The following DSCAM variants were observed in gnomAD, a reference collection of about 807,000 sequenced individuals.
The protein encoded by DSCAM is DS cell adhesion molecule, also known as cell adhesion molecule DSCAM.
In DSCAM, 47 loss-of-function variants were observed where a neutral mutation model predicts 217.7. That is an observed-to-expected ratio of 0.22 (90% CI 0.17 to 0.28). The LOEUF (loss-of-function observed/expected upper bound fraction) is 0.28. DSCAM is among the 10% of genes least tolerant of loss of function. The pLI, the probability that DSCAM is intolerant of heterozygous loss-of-function variation, is 1.00. For missense variants in DSCAM, 2,080 were observed against 2,618.3 expected (o/e 0.79, Z 4.49); for synonymous variants, 1,056 against 1,015.3 (o/e 1.04, Z -0.76).
At chr21:40,188,016 T>C in intron 12 of DSCAM, 29 bp from the exon 13 acceptor site, 2 of 1,577,430 alleles carry the variant, frequency 1.3e-6, no homozygotes, top group Non-Finnish European at 1.7e-6. Flanking sequence ...GAAATTCATC[T>C]TTTTCAGTAG....
intron 1 of DSCAM, among the ~76,000 whole-genome samples, chr21:40,724,206 A>G (rs1375817378): frequency 6.6e-6 from 1 of 152,216 alleles, no homozygotes; most frequent in Non-Finnish European, 1.5e-5. Flanking sequence ...AGGTTTCAAA[A>G]GGCATGAAAG....
At chr21:40,104,722 G>A (rs976489488) in intron 20 of DSCAM, among the ~76,000 whole-genome samples, 3 of 152,162 alleles carry the variant, frequency 2.0e-5, no homozygotes, top group African/African-American at 4.8e-5. Context: ...ATGTGTCAAT[G>A]TAGGTTCCAC....
At chr21:40,703,394 C>T (rs533364368) in intron 2 of DSCAM, among the ~76,000 whole-genome samples, 1 of 152,184 alleles carries the variant, frequency 6.6e-6, no homozygotes, top group Admixed American at 6.5e-5. Flanking sequence ...CGGCATGCAC[C>T]TCTGGTCCCA....
At position 40,110,775 on chromosome 21, in the gene DSCAM, C is replaced by A. The variant is rs1001623798; in HGVS notation, c.3696+13420G>T. Among the ~76,000 whole-genome samples the A allele has an allele frequency of 2.2e-4, 33 of 152,192 alleles. 1 individual carries two copies. The highest frequency in any genetic ancestry group is 1.9e-3 in the Admixed American group (29 of 15,286). ...GAGAACTACGTGACGAATGCACAAGCCTCAGTAGCTGATTCAATCAACTGG... is the reference window on the plus strand; with the variant it reads ...GAGAACTACGTGACGAATGCACAAGACTCAGTAGCTGATTCAATCAACTGG... On this transcript the variant is annotated intron_variant, in intron 20 of 32. Transcript: ENST00000400454.
intron 1 of DSCAM, among the ~76,000 whole-genome samples, chr21:40,725,830 C>G (rs775098219): frequency 1.3e-5 from 2 of 152,158 alleles, no homozygotes; most frequent in Non-Finnish European, 2.9e-5. Context: ...CAAGGTGTGA[C>G]TGACCTAGAA....
intron 32 of DSCAM, among the ~76,000 whole-genome samples, chr21:40,035,668 A>AT (rs2088606457): frequency 6.6e-6 from 1 of 150,494 alleles, no homozygotes; most frequent in South Asian, 2.1e-4. Context: ...AGTGGACCTA[A>AT]TAGACATCTA....
At chr21:40,597,413 T>G (rs2077028992) in intron 3 of DSCAM, among the ~76,000 whole-genome samples, 1 of 151,802 alleles carries the variant, frequency 6.6e-6, no homozygotes, top group Non-Finnish European at 1.5e-5. Context: ...TCACAGAGTT[T>G]TAGGATAAAA....
At chr21:40,042,756 C>G in intron 31 of DSCAM, 83 bp from the exon 32 acceptor site, 1 of 1,354,212 alleles carries the variant, frequency 7.4e-7, no homozygotes, top group Non-Finnish European at 1.0e-6. Context: ...TGGCTTGGGG[C>G]TGTTTTCTTC....
At chr21:40,094,599 T>G (rs943514828) in intron 20 of DSCAM, among the ~76,000 whole-genome samples, 6 of 152,136 alleles carry the variant, frequency 3.9e-5, no homozygotes, top group African/African-American at 1.4e-4. Flanking sequence ...CGGTGCCTAA[T>G]GCTCACACAG....
intron 16 of DSCAM, among the ~76,000 whole-genome samples, chr21:40,146,004 A>C (rs1205589955): frequency 6.6e-6 from 1 of 152,044 alleles, no homozygotes; most frequent in East Asian, 1.9e-4. Flanking sequence ...GTACATATGT[A>C]TGTATATACA....
At chr21:40,489,774 C>CAAAAAAAAAAAAAA (rs35247505) in intron 3 of DSCAM, among the ~76,000 whole-genome samples, 6 of 47,186 alleles carry the variant, frequency 1.3e-4, no homozygotes, top group African/African-American at 3.1e-4. Context: ...GACTCCGTCT[C>CAAAAAAAAAAAAAA]AAAAAAAAAA....
chr21:40,268,264 T>G (rs1053862699), intron 11 of DSCAM, among the ~76,000 whole-genome samples: 1 of 152,190 alleles, frequency 6.6e-6, no homozygotes, highest in African/African-American at 2.4e-5. Context: ...AGAACAATTC[T>G]TGACACTAGG....
intron 3 of DSCAM, among the ~76,000 whole-genome samples, chr21:40,478,870 TAGTA>T (rs1331570333): frequency 1.3e-5 from 2 of 152,322 alleles, no homozygotes; most frequent in African/African-American, 4.8e-5. Context: ...AAATTAGACA[TAGTA>T]AGATATTAAC....
chr21:40,378,873 G>A (rs2074992663), intron 3 of DSCAM, among the ~76,000 whole-genome samples: 1 of 152,000 alleles, frequency 6.6e-6, no homozygotes, highest in Non-Finnish European at 1.5e-5. Context: ...GATTACAGGC[G>A]TGAGCCACCG....
At position 40,039,546 on chromosome 21, in the gene DSCAM, C is replaced by T. The variant is rs560782184; in HGVS notation, c.5686+2825G>A. 1.8e-4 allele frequency among the ~76,000 whole-genome samples: 28 copies of T among 152,112 alleles called. 1 individual carries two copies. Among genetic ancestry groups the T allele is most frequent in the Admixed American group, 1.8e-3 (28 of 15,274 alleles). On this transcript the variant is annotated intron_variant, in intron 32 of 32. Coordinates refer to ENST00000400454, the MANE Select transcript of DSCAM (RefSeq NM_001389.5). The stretch of plus-strand genomic sequence containing the variant: ...TGGCCATATATGTGTATATTATAAA[C>T]ACACACAGGAGATATATATATTTAT...
intron 11 of DSCAM, among the ~76,000 whole-genome samples, chr21:40,208,382 A>C (rs927096990): frequency 2.6e-5 from 4 of 152,184 alleles, no homozygotes; most frequent in African/African-American, 9.7e-5. Flanking sequence ...CGAGCCTGGG[A>C]AGCAGACACT....
intron 3 of DSCAM, among the ~76,000 whole-genome samples, chr21:40,549,834 G>A (rs912481976): frequency 4.6e-5 from 7 of 152,202 alleles, no homozygotes; most frequent in African/African-American, 1.2e-4. Context: ...CATGCAAGAC[G>A]AGATAAATAA....
intron 1 of DSCAM, among the ~76,000 whole-genome samples, chr21:40,802,476 G>A (rs1275940107): frequency 1.3e-5 from 2 of 152,148 alleles, no homozygotes; most frequent in Non-Finnish European, 2.9e-5. Context: ...CATGAGTTTT[G>A]GGGGCCAGGG....
At chr21:40,306,238 C>T (rs923204329) in intron 9 of DSCAM, among the ~76,000 whole-genome samples, 1 of 144,342 alleles carries the variant, frequency 6.9e-6, no homozygotes, top group Non-Finnish European at 1.5e-5. Flanking sequence ...ATTTGGCTCT[C>T]TGTTTGTCTG....
Sources: gnomAD v4.1 joint callset for allele counts (sites outside exome capture counted in the v4.1 genomes callset) on GRCh38, gnomAD v4.1.1 for gene constraint, MANE v1.5 for transcripts, NCBI Gene and HGNC (gene_info 2026-07-23, HGNC 2026-07-21) for gene names.